The following ERBB2 variants were observed in gnomAD, a reference collection of about 807,000 sequenced individuals.
ERBB2 encodes receptor tyrosine-protein kinase erbB-2.
In ERBB2, 61 loss-of-function variants were observed where a neutral mutation model predicts 149.0. The observed-to-expected ratio is 0.41, with a 90% confidence interval of 0.33 to 0.51. The LOEUF (loss-of-function observed/expected upper bound fraction) is 0.51, where lower values mean the gene tolerates loss of function less well. ERBB2 is among the 20% of genes least tolerant of loss of function. ERBB2 has a pLI of 0.25. For synonymous variants in ERBB2, 633 were observed against 678.8 expected, an observed-to-expected ratio of 0.93 and a Z score of 1.05; for missense variants, 1,205 against 1,655.1, an observed-to-expected ratio of 0.73 and a Z score of 4.72.
intron 2 of ERBB2, among the ~76,000 whole-genome samples, chr17:39,689,172 T>A (rs1309245173): frequency 6.6e-6 from 1 of 152,144 alleles, no homozygotes; most frequent in Non-Finnish European, 1.5e-5. Context: ...TAACAAACAT[T>A]TCTGAGTCCT....
chr17:39,723,480 C>A lies in ERBB2; in HGVS notation c.2085+23C>A, dbSNP rs2145808765. The A allele has an allele frequency of 6.2e-7, 1 of 1,614,020 alleles. No individual in the cohort carries two copies. The highest frequency in any genetic ancestry group is 1.1e-5 in the South Asian group (1 of 91,074). On this transcript the variant is annotated intron_variant, in intron 17 of 26. Transcript: ENST00000269571. This position sits in a 1 kb window ranked among gnomAD's most constrained non-coding sequence, Gnocchi z 6.2. Reference sequence around the variant, plus strand: ...GAGGTGAGGCGGGGTGAAGTCCTCCCAGCCCGCGTGGGGTCTGCACCGGCC... The same window carrying A: ...GAGGTGAGGCGGGGTGAAGTCCTCCAAGCCCGCGTGGGGTCTGCACCGGCC...
rs368621012 is a variant in ERBB2 at position 39,723,311 on chromosome 17, G to T, written c.1947-8G>T. The T allele has an allele frequency of 6.3e-7, 1 of 1,583,820 alleles. No homozygotes were observed. The highest frequency in any genetic ancestry group is 1.7e-5 in the Admixed American group (1 of 58,912). On this transcript the variant is annotated splice_region_variant and splice_polypyrimidine_tract_variant and intron_variant, in intron 16 of 26. Transcript: ENST00000269571. This position sits in a 1 kb window ranked among gnomAD's most constrained non-coding sequence, Gnocchi z 6.2. ...CCCTCAATCCCTGACCCTGGCTTCC[G>T]CCCCCAGCCCTCTGACGTCCATCAT...
At chr17:39,699,517 C>T (rs2057966062), upstream of ERBB2, 3 of 1,532,610 alleles carry the variant, frequency 2.0e-6, no homozygotes, top group African/African-American at 1.4e-5. Context: ...TGTAGACCCT[C>T]TTAAGATCAT....
rs2145805410 is a variant in ERBB2 at position 39,723,406 on chromosome 17, G to T, written c.2034G>T (p.Arg678=). 1 of 1,614,194 alleles carries T rather than the reference G, an allele frequency of 6.2e-7. No homozygotes were observed. The highest frequency in any genetic ancestry group is 8.5e-7 in the Non-Finnish European group (1 of 1,180,034). Residue 678 remains arginine (R), a synonymous_variant, in exon 17 of 27, where the codon CGG becomes CGT. Coordinates refer to ENST00000269571, the MANE Select transcript of ERBB2 (RefSeq NM_004448.4). This position sits in a 1 kb window ranked among gnomAD's most constrained non-coding sequence, Gnocchi z 6.2. ...GVVFGILIKR[R]QQKIRKYTMR... ...TCTTTGGGATCCTCATCAAGCGACG[G>T]CAGCAGAAGATCCGGAAGTACACGA...
intron 15 of ERBB2, among the ~76,000 whole-genome samples, chr17:39,717,890 T>G (rs1324230878): frequency 1.3e-5 from 2 of 152,122 alleles, no homozygotes; most frequent in Admixed American, 6.5e-5. Flanking sequence ...CTTGGCTCAC[T>G]GCAGCCTCCA....
chr17:39,723,716 G>C lies in ERBB2; in HGVS notation c.2208+56G>C. The C allele has an allele frequency of 6.4e-7, 1 of 1,567,874 alleles. No homozygotes were observed. Among genetic ancestry groups the C allele is most frequent in the Non-Finnish European group, 8.7e-7 (1 of 1,155,838 alleles). On this transcript the variant is annotated intron_variant, in intron 18 of 26. Transcript: ENST00000269571. The surrounding 1 kb of genome is among the most constrained non-coding windows in gnomAD (Gnocchi z 6.2). ...CAGAGGATGGGGGCGGTGCCTGGAG[G>C]GGTGTGGTCGGCAGTTCTGATGGGA... is the stretch of plus-strand genomic sequence containing the variant.
At position 39,717,317 on chromosome 17, in the gene ERBB2, C is replaced by T. The variant is rs2059192531; in HGVS notation, c.1738-3C>T. ...CCCCACAAATCTTTTCTGCCCCCCC[C>T]AGGAGGCTGACCAGTGTGTGGCCTG... is the stretch of plus-strand genomic sequence containing the variant. On this transcript the variant is annotated splice_polypyrimidine_tract_variant and splice_region_variant and intron_variant, in intron 14 of 26. Transcript: ENST00000269571. 6.2e-7 allele frequency: 1 copy of T among 1,603,764 alleles called. No individual in the cohort carries two copies. The highest frequency in any genetic ancestry group is 1.1e-5 in the South Asian group (1 of 90,270).
At chr17:39,695,990 C>T (rs965988863), upstream of ERBB2, among the ~76,000 whole-genome samples, 5 of 152,168 alleles carry the variant, frequency 3.3e-5, no homozygotes, top group African/African-American at 1.2e-4. Flanking sequence ...GTCAGCCCCA[C>T]TCTGTTCCCA....
At chr17:39,711,770 G>A (rs750534540) in intron 7 of ERBB2, among the ~76,000 whole-genome samples, 158 bp from the exon 8 acceptor site, 3 of 152,214 alleles carry the variant, frequency 2.0e-5, no homozygotes, top group African/African-American at 4.8e-5. Flanking sequence ...GATCCCGTCT[G>A]GTTGTTGTGA....
chr17:39,706,868 G>T, intron 1 of ERBB2, 122 bp from the exon 2 acceptor site: 1 of 955,334 alleles, frequency 1.0e-6, no homozygotes. Flanking sequence ...GGGCGGAGGG[G>T]TCCTTCAGTC....
intron 2 of ERBB2, among the ~76,000 whole-genome samples, chr17:39,689,672 G>A (rs1025632188): frequency 2.0e-5 from 3 of 152,184 alleles, no homozygotes; most frequent in African/African-American, 4.8e-5. Context: ...TTGGGAGGCC[G>A]AGGCGGACGG....
At chr17:39,709,972 A>T in intron 5 of ERBB2, 91 bp downstream of exon 5, 1 of 1,502,226 alleles carries the variant, frequency 6.7e-7, no homozygotes, top group Admixed American at 1.7e-5. Flanking sequence ...GAGGGGTGGG[A>T]TAACAGGCTT....
At chr17:39,699,465 A>G, upstream of ERBB2, 1 of 1,385,224 alleles carries the variant, frequency 7.2e-7, no homozygotes. Flanking sequence ...TCGTTTAAAA[A>G]AAAAAAAAAG....
At chr17:39,708,167 C>T (rs1212891703) in intron 2 of ERBB2, 154 bp from the exon 3 acceptor site, 1 of 592,510 alleles carries the variant, frequency 1.7e-6, no homozygotes, top group Non-Finnish European at 3.0e-6. Flanking sequence ...AGGGCGTGAT[C>T]TTTATCTCTA....
In ERBB2 at chr17:39,722,873, G is replaced by A. The variant is rs272159; in HGVS notation, c.1947-446G>A. On this transcript the variant is annotated intron_variant, in intron 16 of 26. Coordinates refer to ENST00000269571, the MANE Select transcript of ERBB2 (RefSeq NM_004448.4). The stretch of plus-strand genomic sequence containing the variant: ...CTGGGATTACAGGCACCCACACCAC[G>A]CCCAGCTAATTTTTGTGTGTGTGTA... 9.2e-5 allele frequency among the ~76,000 whole-genome samples: 14 copies of A among 152,050 alleles called. No homozygotes were observed. The East Asian group carries it at 2.3e-3, about 25-fold the overall frequency.
chr17:39,711,974 C>G lies in ERBB2; in HGVS notation c.948C>G (p.Pro316=), dbSNP rs1326299510. The G allele has an allele frequency of 6.2e-7, 1 of 1,614,186 alleles. No homozygotes were observed. Residue 316 remains proline (P), a synonymous_variant, in exon 8 of 27, where the codon CCC becomes CCG. Coordinates refer to ENST00000269571, the MANE Select transcript of ERBB2 (RefSeq NM_004448.4). The stretch of plus-strand genomic sequence containing the variant: ...TGGGATCCTGCACCCTCGTCTGCCC[C>G]CTGCACAACCAAGAGGTGACAGCAG... ...TDVGSCTLVC[P]LHNQEVTAED... is the part of the protein sequence containing the mutation.
rs758497995 is a variant in ERBB2 at position 39,715,933 on chromosome 17, G to C, written c.1507G>C (p.Glu503Gln). 1 of 1,608,912 alleles carries C rather than the reference G, an allele frequency of 6.2e-7. No homozygotes were observed. The highest frequency in any genetic ancestry group is 8.5e-7 in the Non-Finnish European group (1 of 1,179,926). The change falls in exon 12 of 27, where the codon GAG (glutamate) becomes CAG (glutamine). Residue 503 changes from glutamate (E) to glutamine (Q), a missense_variant. By Grantham distance (29) the Glu-to-Gln change is conservative. Coordinates refer to ENST00000269571, the MANE Select transcript of ERBB2 (RefSeq NM_004448.4). ...LLHTANRPEDECVGEGLACHQ... is the reference protein window; with the variant it reads ...LLHTANRPEDQCVGEGLACHQ... ...CCACACTGCCAACCGGCCAGAGGAC[G>C]AGTGTGGTAAGACAGGGAGCCCAGT...
intron 4 of ERBB2, 118 bp from the exon 5 acceptor site, chr17:39,709,695 C>G: frequency 9.3e-7 from 1 of 1,071,356 alleles, no homozygotes; most frequent in South Asian, 1.3e-5. Flanking sequence ...CTGGGTCCCT[C>G]CCTTGCTGTG....
At chr17:39,691,318 C>T (rs1255926833), upstream of ERBB2, among the ~76,000 whole-genome samples, 7 of 151,700 alleles carry the variant, frequency 4.6e-5, no homozygotes, top group South Asian at 2.1e-4. Context: ...CCAAGGCAGG[C>T]GGATCATGAG....
Sources: gnomAD v4.1 joint callset for allele counts (sites outside exome capture counted in the v4.1 genomes callset) on GRCh38, gnomAD v4.1.1 for gene constraint, Gnocchi (gnomAD v3.1) non-coding constraint, MANE v1.5 for transcripts, NCBI Gene and HGNC (gene_info 2026-07-23, HGNC 2026-07-21) for gene names.